The following NAALADL2 variants were observed in gnomAD, a reference collection of about 807,000 sequenced individuals.
NAALADL2 encodes inactive N-acetylated-alpha-linked acidic dipeptidase-like protein 2.
Under a neutral mutation model 87.2 loss-of-function variants are expected in NAALADL2, and 76 were observed. That is an observed-to-expected ratio of 0.87 (90% CI 0.72 to 1.05). The LOEUF is 1.05. Among genes scored for constraint, NAALADL2 ranks in the 50% least tolerant of loss-of-function variants. The pLI is 0.00. For synonymous variants in NAALADL2, 354 were observed against 331.0 expected (o/e 1.07, Z -0.75); for missense variants, 1,089 against 945.8 (o/e 1.15, Z -1.99).
At chr3:175,655,015 T>C (rs1245051129) in intron 11 of NAALADL2, among the ~76,000 whole-genome samples, 1 of 152,028 alleles carries the variant, frequency 6.6e-6, no homozygotes, top group Non-Finnish European at 1.5e-5. Context: ...ACGATGAGTG[T>C]CACACTGAGC....
chr3:175,261,413 CATGGA>C (rs1215804266), intron 4 of NAALADL2, among the ~76,000 whole-genome samples: 6 of 152,116 alleles, frequency 3.9e-5, no homozygotes, highest in African/African-American at 1.4e-4. Context: ...CCCTCTGAAA[CATGGA>C]GGTTGGGCTG....
intron 12 of NAALADL2, among the ~76,000 whole-genome samples, chr3:175,743,120 C>T (rs1433407590): frequency 6.6e-6 from 1 of 152,152 alleles, no homozygotes; most frequent in Admixed American, 6.5e-5. Context: ...CCTGCCTCAG[C>T]CTCCCAAGTA....
At chr3:174,489,386 T>G (rs1304703421) in intron 1 of NAALADL2, among the ~76,000 whole-genome samples, 3 of 152,048 alleles carry the variant, frequency 2.0e-5, no homozygotes, top group African/African-American at 7.2e-5. Flanking sequence ...ATAAAACCTC[T>G]TAGAAGAAAA....
intron 13 of NAALADL2, among the ~76,000 whole-genome samples, chr3:175,800,286 C>G (rs1397372035): frequency 1.3e-5 from 2 of 151,816 alleles, no homozygotes; most frequent in Non-Finnish European, 2.9e-5. Flanking sequence ...GCTCACAACC[C>G]TCTTGCTACT....
intron 2 of NAALADL2, among the ~76,000 whole-genome samples, chr3:174,642,583 C>T (rs1336396346): frequency 6.6e-6 from 1 of 150,954 alleles, no homozygotes; most frequent in Non-Finnish European, 1.5e-5. Flanking sequence ...ATCAGGATTA[C>T]CTGCACAGTG....
At chr3:174,949,295 G>A (rs1471625996) in intron 1 of NAALADL2, among the ~76,000 whole-genome samples, 1 of 152,246 alleles carries the variant, frequency 6.6e-6, no homozygotes, top group East Asian at 1.9e-4. Flanking sequence ...AGTGTCCCCA[G>A]AAAGCCAATT....
intron 13 of NAALADL2, chr3:175,773,345 TTC>T (rs1749761957): frequency 6.6e-6 from 1 of 152,130 alleles, no homozygotes; most frequent in Non-Finnish European, 1.5e-5. Context: ...TTTCTGTTAT[TTC>T]TTTTTTTCAT....
chr3:174,948,699 G>A (rs1261308121), intron 1 of NAALADL2, among the ~76,000 whole-genome samples: 1 of 152,046 alleles, frequency 6.6e-6, no homozygotes, highest in Non-Finnish European at 1.5e-5. Flanking sequence ...TCTCTTCTGG[G>A]AAGATTTGAT....
chr3:175,493,117 G>A (rs1347930586), intron 9 of NAALADL2, among the ~76,000 whole-genome samples: 2 of 151,988 alleles, frequency 1.3e-5, no homozygotes, highest in African/African-American at 4.8e-5. Context: ...ACATATAAAT[G>A]TTGATAACTA....
chr3:175,807,504 T>C lies in NAALADL2; in HGVS notation c.*4301T>C, dbSNP rs1479008179. The C allele has an allele frequency of 6.6e-6, 1 of 151,920 alleles. No homozygotes were observed. The highest frequency in any genetic ancestry group is 1.5e-5 in the Non-Finnish European group (1 of 67,878). The allele number at this position is 151,920 out of a possible 1,614,324, so 9.4% of individuals were successfully genotyped here. A position where few individuals can be genotyped will look rare whatever the true frequency, so the allele number is the denominator to read the frequency against. The stretch of plus-strand genomic sequence containing the variant: ...CCAAAAATTAAGCTTTCTCTGAGGG[T>C]AACACATTGTCATCTCATTGGTTTA... On this transcript the variant is annotated 3_prime_UTR_variant, in exon 14 of 14. Coordinates refer to ENST00000454872, the MANE Select transcript of NAALADL2 (RefSeq NM_207015.3).
chr3:174,820,987 A>C (rs577069429), intron 3 of NAALADL2, among the ~76,000 whole-genome samples: 42 of 152,302 alleles, frequency 2.8e-4, no homozygotes, highest in African/African-American at 1.0e-3. Flanking sequence ...TCAGAAACAG[A>C]GATTAGGTTT....
chr3:175,357,690 G>A (rs1560423396), intron 5 of NAALADL2, among the ~76,000 whole-genome samples: 1 of 152,194 alleles, frequency 6.6e-6, no homozygotes, highest in South Asian at 2.1e-4. Context: ...TATGTCAGAG[G>A]CAAAGAAATA....
chr3:174,892,477 CTG>C (rs1466745971), intron 1 of NAALADL2, among the ~76,000 whole-genome samples: 5 of 152,022 alleles, frequency 3.3e-5, no homozygotes, highest in African/African-American at 1.2e-4. Context: ...AAAAGTACAT[CTG>C]TACGATCTAG....
At chr3:174,764,143 T>A (rs1396330006) in intron 3 of NAALADL2, among the ~76,000 whole-genome samples, 1 of 149,144 alleles carries the variant, frequency 6.7e-6, no homozygotes, top group Non-Finnish European at 1.5e-5. Flanking sequence ...AACTATTTTT[T>A]AAACCAAAAT....
chr3:174,835,252 A>T (rs1723192074), intron 3 of NAALADL2, among the ~76,000 whole-genome samples: 3 of 152,098 alleles, frequency 2.0e-5, no homozygotes, highest in African/African-American at 7.2e-5. Flanking sequence ...TTACTATTTA[A>T]TGGGGAAAAG....
At chr3:175,441,121 C>T (rs1011008758) in intron 5 of NAALADL2, among the ~76,000 whole-genome samples, 1 of 151,356 alleles carries the variant, frequency 6.6e-6, no homozygotes, top group Non-Finnish European at 1.5e-5. Flanking sequence ...AAAAAATATA[C>T]CATTGGCTCT....
At chr3:175,540,264 G>T (rs191971971) in intron 9 of NAALADL2, among the ~76,000 whole-genome samples, 1 of 152,300 alleles carries the variant, frequency 6.6e-6, no homozygotes, top group East Asian at 1.9e-4. Context: ...AGTGAATTTT[G>T]AGCAGAGATT....
intron 4 of NAALADL2, among the ~76,000 whole-genome samples, chr3:175,316,741 A>AT (rs573124897): frequency 5.1e-4 from 78 of 152,168 alleles, no homozygotes; most frequent in Non-Finnish European, 9.4e-4. Context: ...AGAGTAGCAT[A>AT]TTTTTTCTGA....
At chr3:175,491,168 A>C (rs28691807) in intron 9 of NAALADL2, among the ~76,000 whole-genome samples, 3,328 of 42,380 alleles carry the variant, frequency 0.079, 143 homozygotes, top group East Asian at 0.42. Context: ...GAAATATTTT[A>C]TTGTCCTATA....
Sources: gnomAD v4.1 joint callset for allele counts (sites outside exome capture counted in the v4.1 genomes callset) on GRCh38, gnomAD v4.1.1 for gene constraint, MANE v1.5 for transcripts, NCBI Gene and HGNC (gene_info 2026-07-23, HGNC 2026-07-21) for gene names.